Variants in KCNQ1 observed in about 807,000 individuals in gnomAD.
KCNQ1 encodes the protein potassium voltage-gated channel subfamily KQT member 1.
KCNQ1 carries 49 observed loss-of-function variants against 72.4 expected under a neutral mutation model. The ratio of observed to expected loss-of-function variants is 0.68; its 90% CI spans 0.54 to 0.86. KCNQ1 has a LOEUF of 0.86. Ranked by LOEUF, KCNQ1 falls within the 40% of genes least tolerant of loss-of-function variation. The probability of loss-of-function intolerance (pLI) is 0.00; values close to 1 mark genes in which losing one functional copy is unlikely to be tolerated. For synonymous variants in KCNQ1, 450 were observed against 412.6 expected, an observed-to-expected ratio of 1.09 and a Z score of -1.10; for missense variants, 790 against 945.1, an observed-to-expected ratio of 0.84 and a Z score of 2.15.
chr11:2,734,061 G>A lies in KCNQ1; in HGVS notation c.1515-34783G>A, dbSNP rs2133944521. 6.6e-6 allele frequency among the ~76,000 whole-genome samples: 1 copy of A among 152,210 alleles called. No individual in the cohort carries two copies. The highest frequency in any genetic ancestry group is 1.9e-4 in the East Asian group (1 of 5,146). ...TTGCGGTTCTCCCAGCCCCAGCCTTGCCTTTCTAGTGGTTCTGGCCTCTGA... is the reference window on the plus strand; with the variant it reads ...TTGCGGTTCTCCCAGCCCCAGCCTTACCTTTCTAGTGGTTCTGGCCTCTGA... On this transcript the variant is annotated intron_variant, in intron 11 of 15. Transcript: ENST00000155840. The surrounding 1 kb of genome is among the most constrained non-coding windows in gnomAD (Gnocchi z 7.0).
intron 6 of KCNQ1, among the ~76,000 whole-genome samples, chr11:2,578,265 A>G (rs1396030993): frequency 1.3e-5 from 2 of 152,102 alleles, no homozygotes; most frequent in Non-Finnish European, 2.9e-5. Flanking sequence ...CTGAGGCCAG[A>G]CGGACAGGGT....
intron 7 of KCNQ1, among the ~76,000 whole-genome samples, chr11:2,584,184 C>T (rs1564824622): frequency 6.6e-6 from 1 of 152,150 alleles, no homozygotes; most frequent in African/African-American, 2.4e-5. Context: ...GTTGTGTGCA[C>T]ATGTATGCAT....
chr11:2,445,909 G>C (rs984937532), intron 1 of KCNQ1, among the ~76,000 whole-genome samples: 1 of 152,156 alleles, frequency 6.6e-6, no homozygotes, highest in African/African-American at 2.4e-5. Context: ...GTCCGGTGCC[G>C]CATCTCAGAC....
Position 2,711,418 on chromosome 11 carries a change from T to C in KCNQ1, c.1514+49337T>C, listed in dbSNP as rs971656954. On this transcript the variant is annotated intron_variant, in intron 11 of 15. Coordinates refer to ENST00000155840, the MANE Select transcript of KCNQ1 (RefSeq NM_000218.3). This position sits in a 1 kb window ranked among gnomAD's most constrained non-coding sequence, Gnocchi z 5.4. ...CACATCCTGCATCCTGCCTGGAGTG[T>C]TCTCTCTCCTCCCTTTTCTGTGAGC... Among the ~76,000 whole-genome samples, 16 of 152,212 alleles carry C rather than the reference T, an allele frequency of 1.1e-4. No homozygotes were observed. The highest frequency in any genetic ancestry group is 3.9e-4 in the African/African-American group (16 of 41,450).
chr11:2,679,183 G>T lies in KCNQ1; in HGVS notation c.1514+17102G>T. 1 of 398,632 alleles carries T rather than the reference G, an allele frequency of 2.5e-6. No individual in the cohort carries two copies. Among genetic ancestry groups the T allele is most frequent in the Non-Finnish European group, 4.4e-6 (1 of 226,094 alleles). The allele number at this position is 398,632 out of a possible 1,614,324, so 24.7% of individuals were successfully genotyped here. On this transcript the variant is annotated intron_variant, in intron 11 of 15. Transcript: ENST00000155840. The surrounding 1 kb of genome is among the most constrained non-coding windows in gnomAD (Gnocchi z 4.8). ...CGACTCAGTTTCCATGTCTGAGTTA[G>T]GCCACCTGTAACAATGCAGCCCCAT...
Position 2,477,983 on chromosome 11 carries a change from C to A in KCNQ1, c.386+32499C>A, listed in dbSNP as rs1485417582. On this transcript the variant is annotated intron_variant, in intron 1 of 15. Transcript: ENST00000155840. The surrounding 1 kb of genome is among the most constrained non-coding windows in gnomAD (Gnocchi z 5.0). ...TCTCAGTGTCTCCCACCACCACTTA[C>A]TAGTTACAAAGGAAAAAGAATCACT... Among the ~76,000 whole-genome samples the A allele has an allele frequency of 6.6e-6, 1 of 152,146 alleles. No homozygotes were observed. Among genetic ancestry groups the A allele is most frequent in the Non-Finnish European group, 1.5e-5 (1 of 68,034 alleles).
rs1389451694 is a variant in KCNQ1, at chr11:2,748,125, A to G, written c.1515-20719A>G. ...CCAGGGCTGGGCTTGTGGCCAGTGCAGCACTATCCTCAGTGGCCTGGGACA... is the reference window on the plus strand; with the variant it reads ...CCAGGGCTGGGCTTGTGGCCAGTGCGGCACTATCCTCAGTGGCCTGGGACA... On this transcript the variant is annotated intron_variant, in intron 11 of 15. Transcript: ENST00000155840. This position sits in a 1 kb window ranked among gnomAD's most constrained non-coding sequence, Gnocchi z 6.2. Among the ~76,000 whole-genome samples the G allele has an allele frequency of 6.6e-6, 1 of 152,106 alleles. No homozygotes were observed. Among genetic ancestry groups the G allele is most frequent in the Non-Finnish European group, 1.5e-5 (1 of 67,996 alleles).
intron 2 of KCNQ1, among the ~76,000 whole-genome samples, chr11:2,553,830 C>T (rs891639092): frequency 6.6e-6 from 1 of 152,108 alleles, no homozygotes; most frequent in African/African-American, 2.4e-5. Flanking sequence ...ATTCTCCTGC[C>T]TCAGCCTCCC....
chr11:2,612,340 G>T lies in KCNQ1; in HGVS notation c.1393+23486G>T. 1 of 398,680 alleles carries T rather than the reference G, an allele frequency of 2.5e-6. No homozygotes were observed. The highest frequency in any genetic ancestry group is 1.3e-4 in the South Asian group (1 of 7,856). 24.7% of individuals were successfully genotyped at this position (398,680 alleles called of 1,614,324 possible). A position where few individuals can be genotyped will look rare whatever the true frequency, so the allele number is the denominator to read the frequency against. Reference sequence around the variant, plus strand: ...CTAAAGCCTCCCCCAACTGGCTGTGGAAAAATTGTCTTCCACAAAACTGGT... The same window carrying T: ...CTAAAGCCTCCCCCAACTGGCTGTGTAAAAATTGTCTTCCACAAAACTGGT... On this transcript the variant is annotated intron_variant, in intron 10 of 15. Transcript: ENST00000155840. This position sits in a 1 kb window ranked among gnomAD's most constrained non-coding sequence, Gnocchi z 5.5.
At chr11:2,821,695 G>C (rs1190715977) in intron 15 of KCNQ1, among the ~76,000 whole-genome samples, 2 of 152,164 alleles carry the variant, frequency 1.3e-5, no homozygotes. Flanking sequence ...CCTGCCCTCT[G>C]CTCACCTTGT....
intron 10 of KCNQ1, chr11:2,650,255 T>A: frequency 2.5e-6 from 1 of 398,628 alleles, no homozygotes; most frequent in Non-Finnish European, 4.4e-6. Flanking sequence ...CCTTAAGATT[T>A]CCTTTACTTT....
intron 11 of KCNQ1, among the ~76,000 whole-genome samples, chr11:2,701,354 A>G (rs1459167373): frequency 2.0e-5 from 3 of 152,128 alleles, no homozygotes; most frequent in Non-Finnish European, 2.9e-5. Flanking sequence ...CCCACAGGCA[A>G]TCTGGGCACA....
At chr11:2,461,341 G>A (rs1846274383) in intron 1 of KCNQ1, 1 of 1,074,690 alleles carries the variant, frequency 9.3e-7, no homozygotes, top group Admixed American at 3.3e-5. Context: ...TGTCGTTCCT[G>A]AAATAGCCTC....
chr11:2,802,062 C>T (rs756872069), intron 15 of KCNQ1, among the ~76,000 whole-genome samples: 12 of 152,212 alleles, frequency 7.9e-5, no homozygotes, highest in Non-Finnish European at 1.8e-4. Context: ...CGGAGCGGGG[C>T]GCGGTGGGCA....
chr11:2,810,538 C>G (rs1249228465), intron 15 of KCNQ1, among the ~76,000 whole-genome samples: 6 of 152,220 alleles, frequency 3.9e-5, no homozygotes, highest in Non-Finnish European at 7.3e-5. Context: ...CCAGAGCACA[C>G]GCTTGCTCTC....
At chr11:2,596,873 A>G (rs1848739881) in intron 10 of KCNQ1, among the ~76,000 whole-genome samples, 2 of 151,446 alleles carry the variant, frequency 1.3e-5, no homozygotes, top group Admixed American at 1.3e-4. Context: ...TGTTTATAAT[A>G]TATAATGTAA....
intron 15 of KCNQ1, among the ~76,000 whole-genome samples, chr11:2,831,129 T>G (rs190022063): frequency 6.6e-6 from 1 of 152,186 alleles, no homozygotes; most frequent in African/African-American, 2.4e-5. Flanking sequence ...AGTATGGCTG[T>G]GAAGCCAAAG....
In KCNQ1 at chr11:2,451,191, A is replaced by G. The variant is rs1172292783; in HGVS notation, c.386+5707A>G. On this transcript the variant is annotated intron_variant, in intron 1 of 15. Coordinates refer to ENST00000155840, the MANE Select transcript of KCNQ1 (RefSeq NM_000218.3). The surrounding 1 kb of genome is among the most constrained non-coding windows in gnomAD (Gnocchi z 6.4). ...CAGAGACCTGTTTTATGGAAGAAAG[A>G]TTTTTCCACCCGGGCAGTGGTGATC... Among the ~76,000 whole-genome samples the G allele has an allele frequency of 6.6e-6, 1 of 152,034 alleles. No individual in the cohort carries two copies. The highest frequency in any genetic ancestry group is 1.5e-5 in the Non-Finnish European group (1 of 68,020).
Position 2,599,210 on chromosome 11 carries a change from A to G in KCNQ1, c.1393+10356A>G, listed in dbSNP as rs1413125687. ...TATAATATTCAATGAAATAAAATAC[A>G]TGTGACATAATGAAGGCATTATCAT... On this transcript the variant is annotated intron_variant, in intron 10 of 15. Coordinates refer to ENST00000155840, the MANE Select transcript of KCNQ1 (RefSeq NM_000218.3). The surrounding 1 kb of genome is among the most constrained non-coding windows in gnomAD (Gnocchi z 4.7). Among the ~76,000 whole-genome samples the G allele has an allele frequency of 6.6e-6, 1 of 152,220 alleles. No individual in the cohort carries two copies. The highest frequency in any genetic ancestry group is 1.5e-5 in the Non-Finnish European group (1 of 68,044).
Sources: gnomAD v4.1 joint callset for allele counts (sites outside exome capture counted in the v4.1 genomes callset) on GRCh38, gnomAD v4.1.1 for gene constraint, Gnocchi (gnomAD v3.1) non-coding constraint, MANE v1.5 for transcripts, NCBI Gene and HGNC (gene_info 2026-07-23, HGNC 2026-07-21) for gene names.